UBAP2: variants seen among roughly 807,000 people sequenced by gnomAD.
UBAP2 encodes the protein ubiquitin associated protein 2, also known as ubiquitin-associated protein 2.
Under a neutral mutation model 139.6 loss-of-function variants are expected in UBAP2, and 75 were observed. The observed-to-expected ratio is 0.54, with a 90% CI of 0.45 to 0.65. The LOEUF (loss-of-function observed/expected upper bound fraction) is 0.65. Among genes scored for constraint, UBAP2 ranks in the 30% least tolerant of loss-of-function variants. The pLI is 0.00. For missense variants in UBAP2, 1,368 were observed against 1,369.6 expected (o/e 1.00, Z 0.02); for synonymous variants, 526 against 526.2 (o/e 1.00, Z 0.01).
chr9:34,003,508 C>A (rs1202517216), intron 2 of UBAP2, among the ~76,000 whole-genome samples: 2 of 151,280 alleles, frequency 1.3e-5, no homozygotes, highest in African/African-American at 2.4e-5. Flanking sequence ...CAGGTTCAAG[C>A]GATTCTCCAG....
In UBAP2 at chr9:34,035,516, T is replaced by A. The variant is rs376359812; in HGVS notation, c.-42+13309A>T. The stretch of plus-strand genomic sequence containing the variant: ...GACTCCATCTAAAAAAAAAAAAAAA[T>A]ATATATATATAAAGATTAGCCAGGT... On this transcript the variant is annotated intron_variant, in intron 1 of 28. Coordinates refer to ENST00000379238, the MANE Select transcript of UBAP2 (RefSeq NM_001370062.2). Among the ~76,000 whole-genome samples, 77 of 13,474 alleles carry A rather than the reference T, an allele frequency of 5.7e-3. 4 individuals are homozygous for A. Among genetic ancestry groups the A allele is most frequent in the East Asian group, 0.012 (5 of 406 alleles). 8.8% of individuals were successfully genotyped at this position (13,474 alleles called of 152,430 possible).
chr9:34,029,962 G>A (rs1468853975), intron 1 of UBAP2, among the ~76,000 whole-genome samples: 3 of 149,488 alleles, frequency 2.0e-5, no homozygotes, highest in African/African-American at 7.4e-5. Context: ...ACTCCAGCCT[G>A]GGTGACAGAG....
intron 13 of UBAP2, among the ~76,000 whole-genome samples, chr9:33,947,951 C>A (rs1421449953): frequency 2.2e-5 from 3 of 137,122 alleles, no homozygotes; most frequent in African/African-American, 8.3e-5. Flanking sequence ...AGGTGGAGAT[C>A]AGCCTACGCA....
intron 22 of UBAP2, 22 bp downstream of exon 22, chr9:33,926,595 G>C (rs768233694): frequency 6.8e-6 from 11 of 1,613,828 alleles, no homozygotes; most frequent in Non-Finnish European, 9.3e-6. Flanking sequence ...CCTCTGCTCC[G>C]ACCAGTCCAT....
chr9:33,991,711 AATTT>A (rs764990640), intron 4 of UBAP2, among the ~76,000 whole-genome samples: 60 of 152,322 alleles, frequency 3.9e-4, no homozygotes, highest in Non-Finnish European at 6.9e-4. Context: ...GAACAAACTC[AATTT>A]ATTATGTTTG....
At chr9:34,015,929 A>G (rs188489714) in intron 2 of UBAP2, among the ~76,000 whole-genome samples, 2 of 152,106 alleles carry the variant, frequency 1.3e-5, no homozygotes, top group Non-Finnish European at 2.9e-5. Flanking sequence ...TCAGCCTCCC[A>G]AAGTGTTGAG....
chr9:33,923,681 G>A (rs923670135), intron 24 of UBAP2, 114 bp downstream of exon 24: 4 of 1,213,902 alleles, frequency 3.3e-6, no homozygotes, highest in Non-Finnish European at 4.8e-6. Context: ...CTGAAGACCA[G>A]GTAAGACGGA....
intron 2 of UBAP2, among the ~76,000 whole-genome samples, chr9:34,000,177 C>T (rs1822583422): frequency 2.0e-5 from 3 of 151,866 alleles, no homozygotes; most frequent in Admixed American, 1.3e-4. Context: ...TGTAGTGATG[C>T]CATCATAGCT....
chr9:34,044,339 T>G (rs1001092050), intron 1 of UBAP2, among the ~76,000 whole-genome samples: 1 of 151,142 alleles, frequency 6.6e-6, no homozygotes, highest in Non-Finnish European at 1.5e-5. Flanking sequence ...AGGCGGAGTT[T>G]GCAGTGAGCC....
At chr9:33,991,966 T>C (rs552745663) in intron 4 of UBAP2, among the ~76,000 whole-genome samples, 65 of 152,252 alleles carry the variant, frequency 4.3e-4, no homozygotes, top group African/African-American at 1.5e-3. Flanking sequence ...TAGCAAATGA[T>C]ACCCTGGCCA....
At chr9:33,967,263 C>G (rs1043742206) in intron 8 of UBAP2, among the ~76,000 whole-genome samples, 1 of 152,152 alleles carries the variant, frequency 6.6e-6, no homozygotes, top group African/African-American at 2.4e-5. Flanking sequence ...TTCTTTTACA[C>G]AATCACAAAA....
intron 19 of UBAP2, among the ~76,000 whole-genome samples, chr9:33,931,228 C>T (rs1823954650): frequency 1.3e-5 from 2 of 152,178 alleles, no homozygotes; most frequent in South Asian, 4.1e-4. Flanking sequence ...TCCACAGGGG[C>T]AACTGTGGGA....
intron 10 of UBAP2, among the ~76,000 whole-genome samples, chr9:33,959,011 T>C (rs1826803333): frequency 1.3e-5 from 2 of 152,040 alleles, no homozygotes; most frequent in South Asian, 2.1e-4. Context: ...TGGCCAGGCA[T>C]GGTGGCGTGC....
intron 1 of UBAP2, among the ~76,000 whole-genome samples, chr9:34,023,986 G>A (rs558072917): frequency 6.6e-6 from 1 of 152,178 alleles, no homozygotes; most frequent in East Asian, 1.9e-4. Flanking sequence ...GGAGTCTGCA[G>A]GGAGCCGAGA....
At chr9:34,022,282 T>G (rs1215843324) in intron 1 of UBAP2, among the ~76,000 whole-genome samples, 1 of 151,890 alleles carries the variant, frequency 6.6e-6, no homozygotes, top group Non-Finnish European at 1.5e-5. Context: ...TCAGCACTAA[T>G]ACTCTGCAAT....
Position 34,017,078 on chromosome 9 carries a change from G to A in UBAP2, c.71C>T (p.Ser24Leu), listed in dbSNP as rs764724706. The change falls in exon 2 of 29, where the codon TCA becomes TTA. Residue 24 changes from serine (S) to leucine (L), a missense_variant. Transcript: ENST00000379238. ...REKPQISAAQ[S>L]TQPQKQVVQA... ...TACCACTTGTTTCTGTGGTTGCGTT[G>A]ATTGTGCTGCTGAAATCTGTGGTTT... 9.9e-6 allele frequency: 16 copies of A among 1,608,668 alleles called. No homozygotes were observed. Among genetic ancestry groups the A allele is most frequent in the African/African-American group, 1.3e-5 (1 of 74,404 alleles).
intron 9 of UBAP2, among the ~76,000 whole-genome samples, chr9:33,963,369 C>A (rs1028477160): frequency 2.0e-5 from 3 of 151,770 alleles, no homozygotes; most frequent in African/African-American, 7.3e-5. Context: ...GGTCATTAGA[C>A]CTACACCACA....
Position 33,953,220 on chromosome 9 carries a change from T to C in UBAP2, c.1056+65A>G, listed in dbSNP as rs988222534. The C allele has an allele frequency of 1.8e-5, 25 of 1,410,184 alleles. No individual in the cohort carries two copies. The African/African-American group carries it at 3.2e-4, about 18-fold the overall frequency. The allele number at this position is 1,410,184 out of a possible 1,614,324, so 87.4% of individuals were successfully genotyped here. ...AAGTAATTATAAAGCATGTATCATA[T>C]TCTAGAATACATTTGCTAATGGGTA... On this transcript the variant is annotated intron_variant, in intron 12 of 28. Transcript: ENST00000379238.
chr9:33,932,102 T>C (rs138157872), intron 19 of UBAP2, among the ~76,000 whole-genome samples: 14 of 152,246 alleles, frequency 9.2e-5, no homozygotes, highest in Admixed American at 5.2e-4. Context: ...GGCTACTCTT[T>C]GGCATATGAG....
Sources: allele counts gnomAD v4.1 joint callset (sites outside exome capture counted in the v4.1 genomes callset), GRCh38; gene constraint gnomAD v4.1.1; transcripts MANE v1.5; gene names NCBI Gene and HGNC (gene_info 2026-07-23, HGNC 2026-07-21).